The following AGAP1 variants were observed in gnomAD, a reference collection of about 807,000 sequenced individuals.
AGAP1 encodes the protein arf-GAP with GTPase, ANK repeat and PH domain-containing protein 1.
A neutral mutation model predicts 105.3 loss-of-function variants in AGAP1; 29 were observed. That is an observed-to-expected ratio of 0.28 (90% CI 0.21 to 0.38). The LOEUF (loss-of-function observed/expected upper bound fraction) is 0.38. Among genes scored for constraint, AGAP1 ranks in the 10% least tolerant of loss-of-function variants. The probability of loss-of-function intolerance (pLI) is 1.00; values close to 1 mark genes in which losing one functional copy is unlikely to be tolerated. For synonymous variants in AGAP1, 509 were observed against 485.9 expected, an observed-to-expected ratio of 1.05 and a Z score of -0.63; for missense variants, 998 against 1,165.1, an observed-to-expected ratio of 0.86 and a Z score of 2.09.
Position 235,642,607 on chromosome 2 carries a change from T to C in AGAP1, c.164-66572T>C, listed in dbSNP as rs757872237. 6.6e-6 allele frequency among the ~76,000 whole-genome samples: 1 copy of C among 152,126 alleles called. No homozygotes were observed. The highest frequency in any genetic ancestry group is 1.5e-5 in the Non-Finnish European group (1 of 68,020). On this transcript the variant is annotated intron_variant, in intron 1 of 17. Transcript: ENST00000304032. The surrounding 1 kb of genome is among the most constrained non-coding windows in gnomAD (Gnocchi z 4.1). ...CAGCTGTCCAGAGGCAGACCCACCC[T>C]GGAAGGCAGGCCAGCCTCCGCTCTC...
chr2:235,716,634 T>G lies in AGAP1; in HGVS notation c.223-923T>G, dbSNP rs1280736763. On this transcript the variant is annotated intron_variant, in intron 2 of 17. Coordinates refer to ENST00000304032, the MANE Select transcript of AGAP1 (RefSeq NM_001037131.3). The surrounding 1 kb of genome is among the most constrained non-coding windows in gnomAD (Gnocchi z 4.0). ...GCTTAAATTTGATCACTAGCGATGT[T>G]CTAGTGGGGGAGGAAAAGGTTAAAA... Among the ~76,000 whole-genome samples, 1 of 152,084 alleles carries G rather than the reference T, an allele frequency of 6.6e-6. No individual in the cohort carries two copies. Among genetic ancestry groups the G allele is most frequent in the Middle Eastern group, 3.2e-3 (1 of 316 alleles).
rs1957403333 is a variant in AGAP1, at chr2:235,799,734, C to T, written c.957+212C>T. 6.6e-6 allele frequency among the ~76,000 whole-genome samples: 1 copy of T among 152,134 alleles called. No homozygotes were observed. The highest frequency in any genetic ancestry group is 1.5e-5 in the Non-Finnish European group (1 of 68,032). On this transcript the variant is annotated intron_variant, in intron 8 of 17. Coordinates refer to ENST00000304032, the MANE Select transcript of AGAP1 (RefSeq NM_001037131.3). The surrounding 1 kb of genome is among the most constrained non-coding windows in gnomAD (Gnocchi z 5.0). ...AATTTCTTCATGTAGACATTCCTGA[C>T]TTCGTGTGTCTGAAATGAAGAGCTG...
At position 235,609,100 on chromosome 2, in the gene AGAP1, C is replaced by T. The variant is rs989414176; in HGVS notation, c.164-100079C>T. 2.6e-5 allele frequency among the ~76,000 whole-genome samples: 4 copies of T among 152,154 alleles called. No homozygotes were observed. On this transcript the variant is annotated intron_variant, in intron 1 of 17. Coordinates refer to ENST00000304032, the MANE Select transcript of AGAP1 (RefSeq NM_001037131.3). This position sits in a 1 kb window ranked among gnomAD's most constrained non-coding sequence, Gnocchi z 5.1. The stretch of plus-strand genomic sequence containing the variant: ...TTGTCATTGGGAAGGATGCTTATCA[C>T]AGGGGGCTGATGAATTTGTTTCCTT...
Position 236,042,894 on chromosome 2 carries a change from C to A in AGAP1, c.1891+2053C>A, listed in dbSNP as rs12477528. 2.0e-3 allele frequency among the ~76,000 whole-genome samples: 308 copies of A among 152,328 alleles called. 4 individuals carry two copies. The highest frequency in any genetic ancestry group is 0.015 in the Admixed American group (230 of 15,298). ...TGTGTCAGCCCGGTGCCAAACCCTC[C>A]CATGCGCTGTCTTTTCATTCTGCAA... On this transcript the variant is annotated intron_variant, in intron 15 of 17. Transcript: ENST00000304032. The surrounding 1 kb of genome is among the most constrained non-coding windows in gnomAD (Gnocchi z 5.6).
Position 235,770,476 on chromosome 2 carries a change from G to A in AGAP1, c.673+19988G>A, listed in dbSNP as rs1230642360. 2.6e-5 allele frequency among the ~76,000 whole-genome samples: 4 copies of A among 152,052 alleles called. No homozygotes were observed. The East Asian group carries it at 5.8e-4, about 22-fold the overall frequency. On this transcript the variant is annotated intron_variant, in intron 6 of 17. Transcript: ENST00000304032. ...AGAGTCTCACTCTGTCACCCAGGCC[G>A]GAGTGCAGTGGTGCCATCTCGGCTC...
chr2:235,746,377 C>CCTTTTTTTTTTTTTTTTTTT (rs1295250993), intron 5 of AGAP1, among the ~76,000 whole-genome samples: 1 of 55,546 alleles, frequency 1.8e-5, no homozygotes, highest in African/African-American at 8.0e-5. Flanking sequence ...CCTCCCCCAA[C>CCTTTTTTTTTTTTTTTTTTT]TTTTTTTTTT....
intron 10 of AGAP1, among the ~76,000 whole-genome samples, chr2:235,896,184 T>A (rs2050799719): frequency 6.6e-6 from 1 of 152,248 alleles, no homozygotes; most frequent in African/African-American, 2.4e-5. Flanking sequence ...GAACCTCATA[T>A]AAATGAAGTC....
At position 235,556,059 on chromosome 2, in the gene AGAP1, A is replaced by C. The variant is rs1467024016; in HGVS notation, c.163+61210A>C. 1.3e-5 allele frequency among the ~76,000 whole-genome samples: 2 copies of C among 152,196 alleles called. No homozygotes were observed. The highest frequency in any genetic ancestry group is 2.9e-5 in the Non-Finnish European group (2 of 68,042). ...TGAGGGAGAAACAGCATCCTGCAGG[A>C]GAGCAATGCCTCCAGCTTGGCTTCT... is the stretch of plus-strand genomic sequence containing the variant. On this transcript the variant is annotated intron_variant, in intron 1 of 17. Coordinates refer to ENST00000304032, the MANE Select transcript of AGAP1 (RefSeq NM_001037131.3). The surrounding 1 kb of genome is among the most constrained non-coding windows in gnomAD (Gnocchi z 5.3).
At chr2:236,116,223 C>T (rs1395282237) in intron 16 of AGAP1, among the ~76,000 whole-genome samples, 2 of 152,168 alleles carry the variant, frequency 1.3e-5, no homozygotes, top group African/African-American at 4.8e-5. Flanking sequence ...TCAAGCAATT[C>T]TCCTATCTCA....
intron 9 of AGAP1, among the ~76,000 whole-genome samples, chr2:235,818,589 T>G (rs1958595760): frequency 6.6e-6 from 1 of 152,110 alleles, no homozygotes; most frequent in Non-Finnish European, 1.5e-5. Flanking sequence ...ATTACAGGCA[T>G]GGGCCACCAT....
chr2:236,002,960 CTCT>C lies in AGAP1; in HGVS notation c.1646-33596_1646-33594del, dbSNP rs1457893042. On this transcript the variant is annotated intron_variant, in intron 13 of 17. Transcript: ENST00000304032. This position sits in a 1 kb window ranked among gnomAD's most constrained non-coding sequence, Gnocchi z 4.3. Reference sequence around the variant, plus strand: ...CATGAGACACCTGCTCTGCACCCAGCTCTTCTTTTGTTTTGCTCACCGAGAAAA... The same window carrying C: ...CATGAGACACCTGCTCTGCACCCAGCTCTTTTGTTTTGCTCACCGAGAAAA... Among the ~76,000 whole-genome samples, 3 of 152,104 alleles carry C rather than the reference CTCT, an allele frequency of 2.0e-5. No individual in the cohort carries two copies. The highest frequency in any genetic ancestry group is 7.2e-5 in the African/African-American group (3 of 41,412).
At chr2:235,709,747 C>T (rs543143160) in intron 2 of AGAP1, among the ~76,000 whole-genome samples, 19 of 152,274 alleles carry the variant, frequency 1.2e-4, no homozygotes, top group Middle Eastern at 3.4e-3. Context: ...TTGTCTTTTA[C>T]GAACCTTACC....
rs1011438473 is a variant in AGAP1 at position 235,934,789 on chromosome 2, T to A, written c.1483+3866T>A. Among the ~76,000 whole-genome samples, 5 of 152,102 alleles carry A rather than the reference T, an allele frequency of 3.3e-5. No individual in the cohort carries two copies. Among genetic ancestry groups the A allele is most frequent in the Non-Finnish European group, 7.4e-5 (5 of 68,022 alleles). ...ATGAATGGGGAGAGCCTAAGCAGCT[T>A]TGGAATACAGACGCCCGTGTTGGCA... On this transcript the variant is annotated intron_variant, in intron 12 of 17. Transcript: ENST00000304032. The surrounding 1 kb of genome is among the most constrained non-coding windows in gnomAD (Gnocchi z 4.9).
chr2:236,007,466 C>T (rs1271015742), intron 13 of AGAP1, among the ~76,000 whole-genome samples: 2 of 152,100 alleles, frequency 1.3e-5, no homozygotes, highest in African/African-American at 4.8e-5. Context: ...GCTGGTGGTC[C>T]AGCGATCACA....
intron 9 of AGAP1, among the ~76,000 whole-genome samples, chr2:235,810,560 G>A (rs1481321284): frequency 1.3e-5 from 2 of 152,144 alleles, no homozygotes; most frequent in South Asian, 2.1e-4. Context: ...CAGATAGTAC[G>A]TGTCGCAGTG....
intron 9 of AGAP1, among the ~76,000 whole-genome samples, chr2:235,850,413 G>A (rs2048387368): frequency 6.6e-6 from 1 of 152,356 alleles, no homozygotes; most frequent in East Asian, 1.9e-4. Flanking sequence ...AGTGCCTGAT[G>A]TGGTCTCCTT....
rs544403743 is a variant in AGAP1 at position 235,664,173 on chromosome 2, A to G, written c.164-45006A>G. Among the ~76,000 whole-genome samples the G allele has an allele frequency of 2.0e-5, 3 of 151,392 alleles. No individual in the cohort carries two copies. Among genetic ancestry groups the G allele is most frequent in the African/African-American group, 7.3e-5 (3 of 41,278 alleles). The stretch of plus-strand genomic sequence containing the variant: ...GTGTTGTTTGTGTTGGCTCTGTAAA[A>G]CGATGCTTAATAGATTGGATTTTAA... On this transcript the variant is annotated intron_variant, in intron 1 of 17. Transcript: ENST00000304032. This position sits in a 1 kb window ranked among gnomAD's most constrained non-coding sequence, Gnocchi z 5.7.
At chr2:235,850,739 A>G (rs1384108460) in intron 9 of AGAP1, among the ~76,000 whole-genome samples, 1 of 152,168 alleles carries the variant, frequency 6.6e-6, no homozygotes, top group Non-Finnish European at 1.5e-5. Context: ...CCATCCCATC[A>G]TTGGGGGTGG....
In AGAP1 at chr2:236,062,116, AGGTGGAAGGT is replaced by A. The variant is rs960369254; in HGVS notation, c.2114+12840_2114+12849del. ...GGACGGCCCACAGGGGAGCGAGAGCAGGTGGAAGGTGGTGCCTATGTCCAGGGGAGCAAGT... is the reference window on the plus strand; with the variant it reads ...GGACGGCCCACAGGGGAGCGAGAGCAGGTGCCTATGTCCAGGGGAGCAAGT... On this transcript the variant is annotated intron_variant, in intron 16 of 17. Transcript: ENST00000304032. This position sits in a 1 kb window ranked among gnomAD's most constrained non-coding sequence, Gnocchi z 4.2. 6.6e-5 allele frequency among the ~76,000 whole-genome samples: 10 copies of A among 152,150 alleles called. No homozygotes were observed. The highest frequency in any genetic ancestry group is 2.4e-4 in the African/African-American group (10 of 41,446).
Sources: allele counts gnomAD v4.1 joint callset (sites outside exome capture counted in the v4.1 genomes callset), GRCh38; gene constraint gnomAD v4.1.1; non-coding constraint Gnocchi (gnomAD v3.1); transcripts MANE v1.5; gene names NCBI Gene and HGNC (gene_info 2026-07-23, HGNC 2026-07-21).